LRFN2: variants seen among roughly 807,000 people sequenced by gnomAD.
LRFN2 encodes the protein leucine rich repeat and fibronectin type III domain containing 2.
LRFN2 carries 18 observed loss-of-function variants against 37.3 expected under a neutral mutation model. The ratio of observed to expected loss-of-function variants is 0.48; its 90% CI spans 0.33 to 0.72. The LOEUF is 0.72. LRFN2 is among the 30% of genes least tolerant of loss of function. The probability of loss-of-function intolerance (pLI) is 0.02; values close to 1 mark genes in which losing one functional copy is unlikely to be tolerated. For synonymous variants in LRFN2, 556 were observed against 466.6 expected, an observed-to-expected ratio of 1.19 and a Z score of -2.47; for missense variants, 1,006 against 1,060.7, an observed-to-expected ratio of 0.95 and a Z score of 0.72.
intron 2 of LRFN2, among the ~76,000 whole-genome samples, chr6:40,399,030 G>A (rs1016953718): frequency 3.3e-5 from 5 of 151,910 alleles, no homozygotes; most frequent in African/African-American, 1.2e-4. Context: ...CCCTCAGGCT[G>A]CCAGTTGGAG....
chr6:40,462,675 AT>A (rs1268044384), intron 1 of LRFN2, among the ~76,000 whole-genome samples: 1 of 152,224 alleles, frequency 6.6e-6, no homozygotes, highest in Admixed American at 6.5e-5. Flanking sequence ...TTATAAAAAC[AT>A]TTTTTGTCTA....
At chr6:40,470,623 T>C (rs537436951) in intron 1 of LRFN2, among the ~76,000 whole-genome samples, 3 of 143,164 alleles carry the variant, frequency 2.1e-5, no homozygotes, top group African/African-American at 7.9e-5. Context: ...AAAAAAAAAA[T>C]AGGCTGTGTT....
chr6:40,442,845 C>T (rs1763872229), intron 1 of LRFN2, among the ~76,000 whole-genome samples: 1 of 152,168 alleles, frequency 6.6e-6, no homozygotes, highest in Admixed American at 6.5e-5. Flanking sequence ...TTGTGCGGAG[C>T]TGGGCCTCAG....
intron 1 of LRFN2, among the ~76,000 whole-genome samples, chr6:40,446,141 G>A (rs1310051995): frequency 6.6e-6 from 1 of 152,180 alleles, no homozygotes; most frequent in East Asian, 1.9e-4. Flanking sequence ...TTCTGCTGTT[G>A]TCGGTTAGAT....
chr6:40,531,096 C>A (rs1409759969), intron 1 of LRFN2, among the ~76,000 whole-genome samples: 1 of 152,146 alleles, frequency 6.6e-6, no homozygotes, highest in African/African-American at 2.4e-5. Context: ...AGAAACAGAA[C>A]AAAACTCATC....
chr6:40,462,242 G>T (rs1764363631), intron 1 of LRFN2, among the ~76,000 whole-genome samples: 1 of 152,204 alleles, frequency 6.6e-6, no homozygotes, highest in Admixed American at 6.5e-5. Context: ...TGGTCCAATG[G>T]CAGAAGCATG....
Position 40,432,957 on chromosome 6 carries a change from G to T in LRFN2, c.157C>A (p.Arg53=), listed in dbSNP as rs367755986. 2 of 1,613,492 alleles carry T rather than the reference G, an allele frequency of 1.2e-6. No homozygotes were observed. Among genetic ancestry groups the T allele is most frequent in the African/African-American group, 2.7e-5 (2 of 74,946 alleles). Residue 53 remains arginine (R), a synonymous_variant, in exon 2 of 3, where the codon CGG becomes AGG. Transcript: ENST00000338305. The stretch of plus-strand genomic sequence containing the variant: ...CCGCCCAGGCGCAGCTCCACTGTCC[G>T]CCGGTCAATATCAGGGGGTACAAAG... ...LLFVPPDIDR[R]TVELRLGGNF... is the part of the protein sequence containing the mutation.
rs938906732 is a variant in LRFN2, at chr6:40,525,764, C to T, written c.-19+61177G>A. On this transcript the variant is annotated intron_variant, in intron 1 of 2. Coordinates refer to ENST00000338305, the MANE Select transcript of LRFN2 (RefSeq NM_020737.3). ...TCCAGGAAGCCTCGCTGCTCCAGCC[C>T]TCCCACACTGCCAGGCCTCCAACCA... Among the ~76,000 whole-genome samples, 2 of 152,080 alleles carry T rather than the reference C, an allele frequency of 1.3e-5. 1 individual carries two copies. The highest frequency in any genetic ancestry group is 1.3e-4 in the Admixed American group (2 of 15,274).
chr6:40,562,071 T>C (rs1767004164), intron 1 of LRFN2, among the ~76,000 whole-genome samples: 1 of 152,204 alleles, frequency 6.6e-6, no homozygotes, highest in African/African-American at 2.4e-5. Flanking sequence ...ATCTGTTCTC[T>C]GGAAAATGAC....
In LRFN2 at chr6:40,510,021, G is replaced by A. The variant is rs555690495; in HGVS notation, c.-18-76890C>T. On this transcript the variant is annotated intron_variant, in intron 1 of 2. Coordinates refer to ENST00000338305, the MANE Select transcript of LRFN2 (RefSeq NM_020737.3). ...AGATAAGGGATGAGTGCGTGCATGC[G>A]GGTATGCCAGGGAACACTGCTGTGC... is the stretch of plus-strand genomic sequence containing the variant. Among the ~76,000 whole-genome samples the A allele has an allele frequency of 1.3e-4, 20 of 150,304 alleles. No homozygotes were observed. The East Asian group carries it at 3.6e-3, about 27-fold the overall frequency.
rs1767520951 is a variant in LRFN2, at chr6:40,587,268, A to AC, written c.-347dup. Reference sequence around the variant, plus strand: ...CCGGTAGGATTTTCCGGATCGAAGAACCCCAGGCATTCCCAGGAACCTCGG... The same window carrying AC: ...CCGGTAGGATTTTCCGGATCGAAGAACCCCCAGGCATTCCCAGGAACCTCGG... On this transcript the variant is annotated 5_prime_UTR_variant, in exon 1 of 3. The change abolishes the stop of an existing upstream ORF in the 5' untranslated region. Coordinates refer to ENST00000338305, the MANE Select transcript of LRFN2 (RefSeq NM_020737.3). This position sits in a 1 kb window ranked among gnomAD's most constrained non-coding sequence, Gnocchi z 4.2. 1.3e-5 allele frequency: 2 copies of AC among 152,150 alleles called. No individual in the cohort carries two copies. Among genetic ancestry groups the AC allele is most frequent in the African/African-American group, 4.8e-5 (2 of 41,420 alleles). The allele number at this position is 152,150 out of a possible 1,614,324, so 9.4% of individuals were successfully genotyped here.
chr6:40,402,604 T>C (rs922641959), intron 2 of LRFN2, among the ~76,000 whole-genome samples: 4 of 152,248 alleles, frequency 2.6e-5, no homozygotes, highest in African/African-American at 4.8e-5. Flanking sequence ...TTATTATCAT[T>C]ATGGATGAGA....
chr6:40,425,111 G>A (rs1763321705), intron 2 of LRFN2, among the ~76,000 whole-genome samples: 1 of 152,188 alleles, frequency 6.6e-6, no homozygotes, highest in African/African-American at 2.4e-5. Flanking sequence ...CAGTAGGGTG[G>A]TCCAGTCTCC....
Position 40,392,740 on chromosome 6 carries a change from T to C in LRFN2, c.1573A>G (p.Met525Val), listed in dbSNP as rs142708188. 6.2e-7 allele frequency: 1 copy of C among 1,613,992 alleles called. No individual in the cohort carries two copies. The highest frequency in any genetic ancestry group is 1.3e-5 in the African/African-American group (1 of 74,938). Residue 525 changes from methionine to valine, a missense_variant, in exon 3 of 3, where the codon ATG (methionine) becomes GTG (valine). Transcript: ENST00000338305. This position sits in a 1 kb window ranked among gnomAD's most constrained non-coding sequence, Gnocchi z 4.7. ...TKADYPQCQS[M>V]HSQILGGTMI... ...GTGCCGCCCAGAATCTGGCTGTGCA[T>C]GGACTGGCACTGCGGGTAGTCAGCC...
At chr6:40,419,027 C>A (rs766382187) in intron 2 of LRFN2, among the ~76,000 whole-genome samples, 2 of 152,224 alleles carry the variant, frequency 1.3e-5, no homozygotes, top group African/African-American at 2.4e-5. Flanking sequence ...TCGGTACCTA[C>A]TGAATTACAA....
intron 1 of LRFN2, among the ~76,000 whole-genome samples, chr6:40,460,065 T>A (rs967572433): frequency 9.2e-5 from 14 of 152,166 alleles, no homozygotes; most frequent in Non-Finnish European, 1.9e-4. Context: ...AGGAAAATAT[T>A]GATGGCAGAG....
chr6:40,551,495 A>G (rs1168829326), intron 1 of LRFN2, among the ~76,000 whole-genome samples: 1 of 152,212 alleles, frequency 6.6e-6, no homozygotes, highest in Non-Finnish European at 1.5e-5. Flanking sequence ...AATACCCTTG[A>G]TCGTTTCAAC....
At chr6:40,545,187 T>C (rs1047317100) in intron 1 of LRFN2, among the ~76,000 whole-genome samples, 2 of 152,238 alleles carry the variant, frequency 1.3e-5, no homozygotes, top group Admixed American at 6.5e-5. Context: ...AATGGTATTA[T>C]ATTTTCTCCT....
At chr6:40,556,231 C>T (rs374336) in intron 1 of LRFN2, among the ~76,000 whole-genome samples, 14,390 of 152,270 alleles carry the variant, frequency 0.095, 795 homozygotes, top group Non-Finnish European at 0.12. Context: ...CCCTCCTACA[C>T]CTTGGCCCAG....
Sources: allele counts gnomAD v4.1 joint callset (sites outside exome capture counted in the v4.1 genomes callset), GRCh38; gene constraint gnomAD v4.1.1; non-coding constraint Gnocchi (gnomAD v3.1); transcripts MANE v1.5; gene names NCBI Gene and HGNC (gene_info 2026-07-23, HGNC 2026-07-21).